The following PTGFR variants were observed in gnomAD, a reference collection of about 807,000 sequenced individuals.
PTGFR encodes the protein prostaglandin F receptor, also known as prostaglandin F2-alpha receptor.
A neutral mutation model predicts 26.2 loss-of-function variants in PTGFR; 15 were observed. That is an observed-to-expected ratio of 0.57 (90% CI 0.38 to 0.88). The LOEUF is 0.88. Among genes scored for constraint, PTGFR ranks in the 40% least tolerant of loss-of-function variants. PTGFR has a pLI of 0.00. For synonymous variants in PTGFR, 165 were observed against 151.1 expected, an observed-to-expected ratio of 1.09 and a Z score of -0.68; for missense variants, 369 against 427.2, an observed-to-expected ratio of 0.86 and a Z score of 1.20.
At chr1:78,506,857 A>T (rs1402150940) in intron 2 of PTGFR, among the ~76,000 whole-genome samples, 2 of 152,072 alleles carry the variant, frequency 1.3e-5, no homozygotes, top group African/African-American at 2.4e-5. Context: ...TGTTTATTGA[A>T]CATTATTGAA....
In PTGFR at chr1:78,492,883, C is replaced by T. The variant is rs758033143; in HGVS notation, c.140C>T (p.Ala47Val). Residue 47 changes from alanine to valine, a missense_variant, in exon 2 of 3, where the codon GCC becomes GTC. By Grantham distance (64) the Ala-to-Val change is moderately conservative. Coordinates refer to ENST00000370757, the MANE Select transcript of PTGFR (RefSeq NM_000959.4). ...GTGGGAATCTTGTCAAACAGCCTTG[C>T]CATCGCCATTCTCATGAAGGCATAT... ...MTVGILSNSL[A>V]IAILMKAYQR... 4.3e-6 allele frequency: 7 copies of T among 1,614,224 alleles called. No homozygotes were observed. In the South Asian group the frequency reaches 6.6e-5, roughly 15 times the overall value.
chr1:78,493,242 G>A lies in PTGFR; in HGVS notation c.499G>A (p.Ala167Thr). ...TGTGTGCTTGTTTGCTGTTTTCATA[G>A]CTTTGCTGCCCATCCTTGGACATCG... is the stretch of plus-strand genomic sequence containing the variant. The part of the protein sequence containing the change: ...SGVCLFAVFI[A>T]LLPILGHRDY... The change falls in exon 2 of 3, where the codon GCT becomes ACT. Residue 167 changes from alanine to threonine, a missense_variant. Coordinates refer to ENST00000370757, the MANE Select transcript of PTGFR (RefSeq NM_000959.4). The A allele has an allele frequency of 6.2e-7, 1 of 1,614,150 alleles. No individual in the cohort carries two copies. The highest frequency in any genetic ancestry group is 1.3e-5 in the African/African-American group (1 of 75,046).
At chr1:78,494,721 T>C (rs1022486261) in intron 2 of PTGFR, among the ~76,000 whole-genome samples, 2 of 152,230 alleles carry the variant, frequency 1.3e-5, no homozygotes, top group Non-Finnish European at 2.9e-5. Context: ...TTCTCTTGCC[T>C]CAGCCTCCTG....
intron 2 of PTGFR, among the ~76,000 whole-genome samples, chr1:78,522,524 C>T (rs1570291083): frequency 1.3e-5 from 2 of 152,168 alleles, no homozygotes; most frequent in African/African-American, 4.8e-5. Context: ...TCTTCTACTC[C>T]TTTCTCAAAG....
intron 2 of PTGFR, among the ~76,000 whole-genome samples, chr1:78,514,470 T>C (rs1043767319): frequency 3.3e-5 from 5 of 152,226 alleles, no homozygotes; most frequent in Non-Finnish European, 7.3e-5. Flanking sequence ...GTAAACCCAA[T>C]GTCTGTATAC....
At chr1:78,534,361 C>T (rs1338891873) in intron 2 of PTGFR, among the ~76,000 whole-genome samples, 1 of 152,132 alleles carries the variant, frequency 6.6e-6, no homozygotes, top group African/African-American at 2.4e-5. Flanking sequence ...GTTCTGACCC[C>T]AGCTCCCACA....
chr1:78,492,994 A>G lies in PTGFR; in HGVS notation c.251A>G (p.Asn84Ser). 1.2e-6 allele frequency: 2 copies of G among 1,614,206 alleles called. No homozygotes were observed. Among genetic ancestry groups the G allele is most frequent in the Non-Finnish European group, 1.7e-6 (2 of 1,180,022 alleles). The change falls in exon 2 of 3, where the codon AAT (asparagine) becomes AGT (serine). Residue 84 changes from asparagine to serine, a missense_variant. Asn to Ser is a conservative substitution (Grantham distance 46). Transcript: ENST00000370757. Reference protein sequence around the residue: ...VITDFFGHLINGAIAVFVYAS... With the variant: ...VITDFFGHLISGAIAVFVYAS... ...ACTGATTTCTTTGGCCATCTCATCAATGGAGCCATAGCAGTATTTGTATAT... is the reference window on the plus strand; with the variant it reads ...ACTGATTTCTTTGGCCATCTCATCAGTGGAGCCATAGCAGTATTTGTATAT...
rs1016619419 is a variant in PTGFR at position 78,536,845 on chromosome 1, A to G, written c.*158A>G. On this transcript the variant is annotated 3_prime_UTR_variant, in exon 3 of 3. Coordinates refer to ENST00000370757, the MANE Select transcript of PTGFR (RefSeq NM_000959.4). ...CAGATTCAGGTTTTGAAATTTGTCA[A>G]ATAAACAGGATAACTGTACATTTTT... 1.8e-5 allele frequency: 15 copies of G among 840,576 alleles called. No individual in the cohort carries two copies. The East Asian group carries it at 2.8e-4, about 16-fold the overall frequency. The allele number at this position is 840,576 out of a possible 1,614,324, so 52.1% of individuals were successfully genotyped here.
intron 2 of PTGFR, among the ~76,000 whole-genome samples, chr1:78,498,317 A>G (rs1649607682): frequency 6.6e-6 from 1 of 152,152 alleles, no homozygotes; most frequent in Non-Finnish European, 1.5e-5. Flanking sequence ...TACCCAAAGG[A>G]TGGTGAGTGG....
chr1:78,535,590 TG>T (rs1650625323), intron 2 of PTGFR, among the ~76,000 whole-genome samples: 1 of 152,182 alleles, frequency 6.6e-6, no homozygotes, highest in African/African-American at 2.4e-5. Flanking sequence ...ATATCCAAGA[TG>T]TTTTCAAAGC....
chr1:78,500,691 C>CAACCTTCCAGAAGT (rs1649682251), intron 2 of PTGFR, among the ~76,000 whole-genome samples: 1 of 152,202 alleles, frequency 6.6e-6, no homozygotes, highest in Non-Finnish European at 1.5e-5. Flanking sequence ...CCAGAGCCTA[C>CAACCTTCCAGAAGT]CTTAGGACAA....
chr1:78,505,471 C>A (rs1649807839), intron 2 of PTGFR, among the ~76,000 whole-genome samples: 1 of 152,130 alleles, frequency 6.6e-6, no homozygotes. Flanking sequence ...ATAATCATTA[C>A]TTTCTTTTAC....
intron 2 of PTGFR, 88 bp downstream of exon 2, chr1:78,493,629 G>A: frequency 7.8e-7 from 1 of 1,286,512 alleles, no homozygotes. Flanking sequence ...TTTAAATGCT[G>A]AGAATGATCC....
At chr1:78,532,711 G>T (rs1053615976) in intron 2 of PTGFR, among the ~76,000 whole-genome samples, 3 of 151,470 alleles carry the variant, frequency 2.0e-5, no homozygotes, top group Admixed American at 6.6e-5. Flanking sequence ...GGGACTACAG[G>T]CATGTGTCAC....
intron 2 of PTGFR, among the ~76,000 whole-genome samples, chr1:78,516,612 C>G (rs940927099): frequency 2.0e-5 from 3 of 152,190 alleles, no homozygotes; most frequent in Admixed American, 2.0e-4. Context: ...ACAATGCCCT[C>G]AGTCTGATAA....
chr1:78,530,037 G>A (rs1650467020), intron 2 of PTGFR, among the ~76,000 whole-genome samples: 1 of 152,124 alleles, frequency 6.6e-6, no homozygotes, highest in African/African-American at 2.4e-5. Context: ...CAAAAAGGTT[G>A]GGGACTGCTG....
chr1:78,510,053 G>C (rs1439830467), intron 2 of PTGFR, among the ~76,000 whole-genome samples: 1 of 152,202 alleles, frequency 6.6e-6, no homozygotes, highest in African/African-American at 2.4e-5. Flanking sequence ...ATGGTGTAAA[G>C]AGATAAGCAG....
intron 2 of PTGFR, among the ~76,000 whole-genome samples, chr1:78,534,228 G>T (rs182235246): frequency 6.6e-6 from 1 of 152,142 alleles, no homozygotes; most frequent in Non-Finnish European, 1.5e-5. Flanking sequence ...TAAGTGTCTG[G>T]AATACAAGTG....
At position 78,537,311 on chromosome 1, in the gene PTGFR, A is replaced by T. The variant is rs1650680992; in HGVS notation, c.*624A>T. On this transcript the variant is annotated 3_prime_UTR_variant, in exon 3 of 3. Transcript: ENST00000370757. ...TCATATTTGACAAATAGGACTGCCT[A>T]CATTTATTATTATGAAGGTCGATTG... 6.6e-6 allele frequency: 1 copy of T among 152,120 alleles called. No individual in the cohort carries two copies. Among genetic ancestry groups the T allele is most frequent in the African/African-American group, 2.4e-5 (1 of 41,434 alleles). 9.4% of individuals were successfully genotyped at this position (152,120 alleles called of 1,614,324 possible). A position where few individuals can be genotyped will look rare whatever the true frequency, so the allele number is the denominator to read the frequency against.
Sources: gnomAD v4.1 joint callset for allele counts (sites outside exome capture counted in the v4.1 genomes callset) on GRCh38, gnomAD v4.1.1 for gene constraint, MANE v1.5 for transcripts, NCBI Gene and HGNC (gene_info 2026-07-23, HGNC 2026-07-21) for gene names.